Variants in MPPED1 observed in about 807,000 individuals in gnomAD.
MPPED1 encodes metallophosphoesterase domain containing 1.
MPPED1 carries 16 observed loss-of-function variants against 36.2 expected under a neutral mutation model. The ratio of observed to expected loss-of-function variants is 0.44; its 90% CI spans 0.30 to 0.67. The LOEUF (loss-of-function observed/expected upper bound fraction) is 0.67, where lower values mean the gene tolerates loss of function less well. Among genes scored for constraint, MPPED1 ranks in the 30% least tolerant of loss-of-function variants. The probability of loss-of-function intolerance (pLI) is 0.10; values close to 1 mark genes in which losing one functional copy is unlikely to be tolerated. For synonymous variants in MPPED1, 199 were observed against 191.3 expected (o/e 1.04, Z -0.33); for missense variants, 307 against 453.4 (o/e 0.68, Z 2.93).
chr22:43,448,646 A>G lies in MPPED1; in HGVS notation c.406+13431A>G, dbSNP rs867276896. Among the ~76,000 whole-genome samples the G allele has an allele frequency of 3.3e-5, 5 of 152,092 alleles. No individual in the cohort carries two copies. In the South Asian group the frequency reaches 1.0e-3, roughly 32 times the overall value. Reference sequence around the variant, plus strand: ...GAGACAGAGTCTCGCTCTGTCACCCAGGCTGGAGTGCAGTGGCATGATCTT... The same window carrying G: ...GAGACAGAGTCTCGCTCTGTCACCCGGGCTGGAGTGCAGTGGCATGATCTT... On this transcript the variant is annotated intron_variant, in intron 3 of 6. Coordinates refer to ENST00000443721, the MANE Select transcript of MPPED1 (RefSeq NM_001044370.2).
At chr22:43,438,691 C>T (rs1291826922) in intron 3 of MPPED1, among the ~76,000 whole-genome samples, 1 of 152,014 alleles carries the variant, frequency 6.6e-6, no homozygotes, top group Non-Finnish European at 1.5e-5. Context: ...GTCTGATTTT[C>T]TATAGGGGAG....
intron 3 of MPPED1, among the ~76,000 whole-genome samples, chr22:43,469,270 C>A (rs1251259231): frequency 6.6e-6 from 1 of 152,188 alleles, no homozygotes; most frequent in Non-Finnish European, 1.5e-5. Context: ...CATCCATTTC[C>A]TCTGTGTTCA....
At chr22:43,494,330 A>G (rs1932189766) in intron 4 of MPPED1, among the ~76,000 whole-genome samples, 1 of 152,204 alleles carries the variant, frequency 6.6e-6, no homozygotes, top group South Asian at 2.1e-4. Context: ...ATGAGCCACC[A>G]TGCTTGGCCA....
chr22:43,461,305 T>C (rs1930950628), intron 3 of MPPED1, among the ~76,000 whole-genome samples: 1 of 152,160 alleles, frequency 6.6e-6, no homozygotes. Flanking sequence ...GCTAGGCTGG[T>C]AGTTTTCACA....
chr22:43,453,898 CT>C (rs1414049658), intron 3 of MPPED1, among the ~76,000 whole-genome samples: 1 of 152,100 alleles, frequency 6.6e-6, no homozygotes, highest in South Asian at 2.1e-4. Context: ...CTCTCTGGAA[CT>C]TTTTTGTCTT....
chr22:43,436,194 C>T (rs991755144), intron 3 of MPPED1, among the ~76,000 whole-genome samples: 3 of 152,252 alleles, frequency 2.0e-5, no homozygotes, highest in African/African-American at 7.2e-5. Context: ...CACAGTGAGG[C>T]ATCTCTGTCC....
chr22:43,469,952 T>C (rs1931310266), intron 3 of MPPED1, among the ~76,000 whole-genome samples: 1 of 152,108 alleles, frequency 6.6e-6, no homozygotes, highest in Non-Finnish European at 1.5e-5. Flanking sequence ...ATATAAAGCA[T>C]CCATTCATTC....
At chr22:43,484,903 G>A (rs549005044) in intron 4 of MPPED1, among the ~76,000 whole-genome samples, 8 of 152,268 alleles carry the variant, frequency 5.3e-5, no homozygotes, top group Admixed American at 3.9e-4. Context: ...TCTCCTTCCC[G>A]TACTGGCTTC....
chr22:43,489,952 C>T (rs1267738540), intron 4 of MPPED1, among the ~76,000 whole-genome samples: 1 of 152,342 alleles, frequency 6.6e-6, no homozygotes, highest in East Asian at 1.9e-4. Flanking sequence ...TCCCTCCTTT[C>T]CTCCCCTGCG....
chr22:43,492,556 G>A (rs1602013074), intron 4 of MPPED1, among the ~76,000 whole-genome samples: 1 of 152,140 alleles, frequency 6.6e-6, no homozygotes, highest in Non-Finnish European at 1.5e-5. Context: ...CATACTGGGG[G>A]TGCAGGCAGC....
In MPPED1 at chr22:43,463,831, C is replaced by CTT. The variant is rs759681701; in HGVS notation, c.407-10903_407-10902dup. 4.6e-3 allele frequency among the ~76,000 whole-genome samples: 565 copies of CTT among 123,036 alleles called. 11 individuals carry two copies. The highest frequency in any genetic ancestry group is 0.015 in the African/African-American group (539 of 35,054). 80.7% of individuals were successfully genotyped at this position (123,036 alleles called of 152,430 possible). On this transcript the variant is annotated intron_variant, in intron 3 of 6. Transcript: ENST00000443721. ...CTTTTCTTTCTTTCTTTCTTTCTTT[C>CTT]TTTCTTTCTTTCTTTCTTTCTTTCT...
intron 4 of MPPED1, among the ~76,000 whole-genome samples, chr22:43,497,935 G>GTATATATATATATA (rs753427064): frequency 0.29 from 37,225 of 127,896 alleles, 6,359 homozygotes; most frequent in Non-Finnish European, 0.36. Context: ...ATATGTATAT[G>GTATATATATATATA]TATATATATA....
intron 5 of MPPED1, among the ~76,000 whole-genome samples, chr22:43,498,742 C>T (rs1045617974): frequency 3.3e-5 from 5 of 152,074 alleles, no homozygotes; most frequent in African/African-American, 1.2e-4. Context: ...TCCTCACCCC[C>T]ACCCAGCCCA....
intron 5 of MPPED1, among the ~76,000 whole-genome samples, chr22:43,498,638 C>G (rs143747728): frequency 0.028 from 4,232 of 152,188 alleles, 212 homozygotes; most frequent in African/African-American, 0.098. Flanking sequence ...TATGCCTCTG[C>G]AGACCCCAGT....
intron 3 of MPPED1, among the ~76,000 whole-genome samples, chr22:43,443,115 G>T (rs1320881669): frequency 6.6e-6 from 1 of 152,178 alleles, no homozygotes; most frequent in Non-Finnish European, 1.5e-5. Flanking sequence ...TAGGCTGGTG[G>T]TGACTGGAGT....
intron 1 of MPPED1, among the ~76,000 whole-genome samples, chr22:43,419,743 G>C (rs1200694075): frequency 2.0e-5 from 3 of 151,754 alleles, no homozygotes; most frequent in Non-Finnish European, 4.4e-5. Flanking sequence ...TTTGGGGGTG[G>C]GGGGTGGTCA....
rs1555904573 is a variant in MPPED1 at position 43,497,935 on chromosome 22, G to GTGTATATATATATATATATA, written c.633-299_633-298insGTATATATATATATATATAT. ...AAGAAGCTGATATATATATGTATAT[G>GTGTATATATATATATATATA]TATATATATATATGTATTTAGCTTT... On this transcript the variant is annotated intron_variant, in intron 4 of 6. Coordinates refer to ENST00000443721, the MANE Select transcript of MPPED1 (RefSeq NM_001044370.2). 8.9e-3 allele frequency among the ~76,000 whole-genome samples: 1,141 copies of GTGTATATATATATATATATA among 128,320 alleles called. 73 individuals are homozygous for GTGTATATATATATATATATA. Among genetic ancestry groups the GTGTATATATATATATATATA allele is most frequent in the African/African-American group, 0.037 (1,078 of 28,888 alleles). 84.2% of individuals were successfully genotyped at this position (128,320 alleles called of 152,430 possible). A position where few individuals can be genotyped will look rare whatever the true frequency, so the allele number is the denominator to read the frequency against.
chr22:43,458,715 A>AGTGTC (rs1930841103), intron 3 of MPPED1, among the ~76,000 whole-genome samples: 1 of 152,098 alleles, frequency 6.6e-6, no homozygotes, highest in African/African-American at 2.4e-5. Context: ...TTTTGTAGAG[A>AGTGTC]GTGTCTGCTA....
intron 6 of MPPED1, among the ~76,000 whole-genome samples, chr22:43,503,581 C>A (rs1347375403): frequency 1.3e-5 from 2 of 152,190 alleles, no homozygotes; most frequent in Admixed American, 6.5e-5. Flanking sequence ...TCAAACCATT[C>A]ATTCCCTGAG....
Sources: allele counts gnomAD v4.1 joint callset (sites outside exome capture counted in the v4.1 genomes callset), GRCh38; gene constraint gnomAD v4.1.1; transcripts MANE v1.5; gene names NCBI Gene and HGNC (gene_info 2026-07-23, HGNC 2026-07-21).